NR5A2: variants seen among roughly 807,000 people sequenced by gnomAD.
The protein encoded by NR5A2 is nuclear receptor subfamily 5 group A member 2.
In NR5A2, 26 loss-of-function variants were observed where a neutral mutation model predicts 62.7. The observed-to-expected ratio is 0.41, with a 90% CI of 0.30 to 0.58. NR5A2 has a LOEUF of 0.58. Ranked by LOEUF, NR5A2 falls within the 20% of genes least tolerant of loss-of-function variation. The probability of loss-of-function intolerance (pLI) is 0.22; values close to 1 mark genes in which losing one functional copy is unlikely to be tolerated. For missense variants in NR5A2, 541 were observed against 669.1 expected (o/e 0.81, Z 2.11); for synonymous variants, 246 against 241.7 (o/e 1.02, Z -0.16).
Position 200,048,458 on chromosome 1 carries a change from C to G in NR5A2, c.750C>G (p.Pro250=), listed in dbSNP as rs2821368. Residue 250 remains proline (P), a synonymous_variant, in exon 5 of 8, where the codon CCC becomes CCG. Transcript: ENST00000367362. The surrounding 1 kb of genome is among the most constrained non-coding windows in gnomAD (Gnocchi z 4.8). ...FVTSPISMTM[P]PHGSLQGYQT... ...CATCCCCCATTAGCATGACAATGCC[C>G]CCTCACGGCAGCCTGCAAGGTTACC... The G allele has an allele frequency of 0.18, 297,378 of 1,613,982 alleles. 32,724 individuals carry two copies. Among genetic ancestry groups the G allele is most frequent in the African/African-American group, 0.5 (37,813 of 74,948 alleles).
chr1:200,107,784 C>T (rs1430992070), intron 5 of NR5A2, among the ~76,000 whole-genome samples: 27 of 151,716 alleles, frequency 1.8e-4, no homozygotes, highest in South Asian at 2.1e-4. Context: ...GGATTACAGG[C>T]GCCTGCCACC....
intron 7 of NR5A2, among the ~76,000 whole-genome samples, chr1:200,170,502 C>T (rs1654122259): frequency 6.6e-6 from 1 of 152,026 alleles, no homozygotes. Context: ...GTGAAAATTC[C>T]AGGTCTTCTG....
chr1:200,072,424 A>G (rs1558121119), intron 5 of NR5A2, among the ~76,000 whole-genome samples: 1 of 152,212 alleles, frequency 6.6e-6, no homozygotes. Context: ...TTGAGAATGC[A>G]TGATTTACCT....
Position 200,087,241 on chromosome 1 carries a change from A to AACACAC in NR5A2, c.1111-23940_1111-23935dup, listed in dbSNP as rs34917175. 1.1e-4 allele frequency among the ~76,000 whole-genome samples: 17 copies of AACACAC among 148,608 alleles called. No individual in the cohort carries two copies. The East Asian group carries it at 1.8e-3, about 16-fold the overall frequency. On this transcript the variant is annotated intron_variant, in intron 5 of 7. Transcript: ENST00000367362. The stretch of plus-strand genomic sequence containing the variant: ...TTCAACACATACACCCTTCTTCACC[A>AACACAC]ACACACACACACACACACACACACA...
Position 200,039,540 on chromosome 1 carries a change from C to A in NR5A2, c.65-118C>A. On this transcript the variant is annotated intron_variant, in intron 1 of 7. Transcript: ENST00000367362. The surrounding 1 kb of genome is among the most constrained non-coding windows in gnomAD (Gnocchi z 5.1). ...CCGGACAGGGCTCAGAGGTCCTGCC[C>A]GGCAGCCCCGAGGAGGCGGAGGCAC... The A allele has an allele frequency of 6.8e-7, 1 of 1,469,490 alleles. No individual in the cohort carries two copies. Among genetic ancestry groups the A allele is most frequent in the Non-Finnish European group, 9.3e-7 (1 of 1,072,044 alleles). 91.0% of individuals were successfully genotyped at this position (1,469,490 alleles called of 1,614,324 possible).
At chr1:200,043,215 T>A (rs993086309) in intron 2 of NR5A2, among the ~76,000 whole-genome samples, 1 of 152,186 alleles carries the variant, frequency 6.6e-6, no homozygotes, top group Non-Finnish European at 1.5e-5. Context: ...GATCTGAAAG[T>A]TGGGAGCCTC....
chr1:200,150,447 C>G (rs564312853), intron 7 of NR5A2, among the ~76,000 whole-genome samples: 4 of 152,174 alleles, frequency 2.6e-5, no homozygotes, highest in Non-Finnish European at 5.9e-5. Flanking sequence ...ATCAGTACCA[C>G]TTAGAATTAG....
rs3034021 is a variant in NR5A2 at position 200,126,683 on chromosome 1, A to ATT, written c.1378+5744_1378+5745dup. Among the ~76,000 whole-genome samples, 1,005 of 144,994 alleles carry ATT rather than the reference A, an allele frequency of 6.9e-3. 8 individuals are homozygous for ATT. The highest frequency in any genetic ancestry group is 0.024 in the African/African-American group (966 of 39,460). On this transcript the variant is annotated intron_variant, in intron 7 of 7. Coordinates refer to ENST00000367362, the MANE Select transcript of NR5A2 (RefSeq NM_205860.3). ...GATAAGTCTTCACATTATGAAGGGG[A>ATT]TTTTTTTTTTTTTTTTTAATTTTTA...
At chr1:200,038,817 G>T (rs752015648) in intron 1 of NR5A2, 1 of 1,227,000 alleles carries the variant, frequency 8.1e-7, no homozygotes, top group Non-Finnish European at 1.1e-6. Flanking sequence ...GGGCCAGGGT[G>T]GGGTGGGAGG....
intron 6 of NR5A2, among the ~76,000 whole-genome samples, chr1:200,114,231 T>TACAC (rs759757141): frequency 3.1e-5 from 4 of 130,792 alleles, no homozygotes; most frequent in Admixed American, 1.6e-4. Flanking sequence ...TATATATATA[T>TACAC]ATACACACAC....
intron 1 of NR5A2, chr1:200,038,772 T>C (rs781231864): frequency 1.5e-6 from 2 of 1,353,360 alleles, no homozygotes; most frequent in Non-Finnish European, 2.0e-6. Context: ...TCTGACTAGC[T>C]GTAAGACCCG....
intron 1 of NR5A2, among the ~76,000 whole-genome samples, chr1:200,030,541 G>C (rs1334848792): frequency 6.6e-6 from 1 of 152,094 alleles, no homozygotes; most frequent in Non-Finnish European, 1.5e-5. Flanking sequence ...TTCTGGTCTT[G>C]GTTTACTTCT....
chr1:200,088,083 G>T (rs1664637862), intron 5 of NR5A2, among the ~76,000 whole-genome samples: 1 of 151,824 alleles, frequency 6.6e-6, no homozygotes, highest in African/African-American at 2.4e-5. Flanking sequence ...TTTGTTTATT[G>T]TAATTAGAGA....
intron 7 of NR5A2, among the ~76,000 whole-genome samples, chr1:200,145,468 TTGTGTGTGTGTGTGTG>T (rs66885184): frequency 0.18 from 25,318 of 142,164 alleles, 2,555 homozygotes; most frequent in Admixed American, 0.24. Context: ...TTGATAGAAT[TTGTGTGTGTGTGTGTG>T]TGTGTGTGTG....
At chr1:200,109,413 C>T (rs1571492956) in intron 5 of NR5A2, among the ~76,000 whole-genome samples, 1 of 152,188 alleles carries the variant, frequency 6.6e-6, no homozygotes, top group African/African-American at 2.4e-5. Flanking sequence ...CATCCATTAT[C>T]TCATTGCATC....
chr1:200,055,097 G>A (rs921717405), intron 5 of NR5A2, among the ~76,000 whole-genome samples: 6 of 151,846 alleles, frequency 4.0e-5, no homozygotes, highest in Admixed American at 2.0e-4. Flanking sequence ...ATCTTGCGAC[G>A]TTGCCCAGGC....
chr1:200,168,079 A>G (rs1653990036), intron 7 of NR5A2, among the ~76,000 whole-genome samples: 1 of 152,224 alleles, frequency 6.6e-6, no homozygotes, highest in Admixed American at 6.5e-5. Context: ...ATGTGTATAC[A>G]TTGTGTATAC....
intron 7 of NR5A2, among the ~76,000 whole-genome samples, chr1:200,155,556 G>A (rs1348117713): frequency 6.6e-6 from 1 of 152,206 alleles, no homozygotes; most frequent in East Asian, 1.9e-4. Flanking sequence ...CCACTGCCAG[G>A]TCGACTACCA....
At chr1:200,116,281 A>C (rs536889429) in intron 6 of NR5A2, among the ~76,000 whole-genome samples, 1 of 152,334 alleles carries the variant, frequency 6.6e-6, no homozygotes, top group South Asian at 2.1e-4. Context: ...TCCGTAGCCC[A>C]ATCTTCTGGC....
Sources: gnomAD v4.1 joint callset for allele counts (sites outside exome capture counted in the v4.1 genomes callset) on GRCh38, gnomAD v4.1.1 for gene constraint, Gnocchi (gnomAD v3.1) non-coding constraint, MANE v1.5 for transcripts, NCBI Gene and HGNC (gene_info 2026-07-23, HGNC 2026-07-21) for gene names.